The following MBNL2 variants were observed in gnomAD, a reference collection of about 807,000 sequenced individuals.
The protein encoded by MBNL2 is muscleblind-like protein 2.
MBNL2 carries 17 observed loss-of-function variants against 41.9 expected under a neutral mutation model. The ratio of observed to expected loss-of-function variants is 0.41; its 90% CI spans 0.28 to 0.61. MBNL2 has a LOEUF of 0.61. MBNL2 is among the 20% of genes least tolerant of loss of function. MBNL2 has a pLI of 0.35. For synonymous variants in MBNL2, 195 were observed against 182.9 expected (o/e 1.07, Z -0.53); for missense variants, 336 against 505.6 (o/e 0.66, Z 3.22).
At chr13:97,376,050 A>C (rs1399743782) in intron 8 of MBNL2, among the ~76,000 whole-genome samples, 1 of 152,178 alleles carries the variant, frequency 6.6e-6, no homozygotes, top group Non-Finnish European at 1.5e-5. Flanking sequence ...TGGAAACTCA[A>C]ACCAACTGAA....
chr13:97,359,770 C>T (rs1456314519), intron 7 of MBNL2, among the ~76,000 whole-genome samples: 1 of 152,100 alleles, frequency 6.6e-6, no homozygotes, highest in Non-Finnish European at 1.5e-5. Flanking sequence ...GTTTCCATTT[C>T]TTACATGACA....
intron 8 of MBNL2, 150 bp from the exon 9 acceptor site, chr13:97,391,172 G>A (rs1246764037): frequency 3.4e-6 from 2 of 589,814 alleles, no homozygotes; most frequent in East Asian, 2.9e-5. Flanking sequence ...TGAAGGGCGG[G>A]TATTGTGCAA....
At chr13:97,208,044 C>A in the MBNL2 span, among the ~76,000 whole-genome samples, 1 of 152,200 alleles carries the variant, frequency 6.6e-6, no homozygotes. Context: ...AACAGCTCTG[C>A]TCCTGTGGTT....
chr13:97,174,013 T>C, the MBNL2 span, among the ~76,000 whole-genome samples: 1 of 152,222 alleles, frequency 6.6e-6, no homozygotes, highest in Non-Finnish European at 1.5e-5. Context: ...ATAAGTTCTT[T>C]AAAGGCAAGA....
intron 1 of MBNL2, among the ~76,000 whole-genome samples, chr13:97,247,608 G>A (rs2045721387): frequency 6.6e-6 from 1 of 152,182 alleles, no homozygotes; most frequent in South Asian, 2.1e-4. Flanking sequence ...AAATGTCATG[G>A]TTATTGAGGC....
At chr13:97,152,644 A>G in the MBNL2 span, among the ~76,000 whole-genome samples, 1 of 152,224 alleles carries the variant, frequency 6.6e-6, no homozygotes, top group African/African-American at 2.4e-5. Context: ...CAAAATTCTT[A>G]GGGTATGATT....
intron 1 of MBNL2, among the ~76,000 whole-genome samples, chr13:97,225,989 A>T (rs1566350977): frequency 6.7e-6 from 1 of 150,070 alleles, no homozygotes; most frequent in East Asian, 1.9e-4. Flanking sequence ...TTAACATACT[A>T]TTTTTTTTTC....
At chr13:97,287,979 G>A (rs1456998689) in intron 2 of MBNL2, among the ~76,000 whole-genome samples, 1 of 132,472 alleles carries the variant, frequency 7.5e-6, no homozygotes, top group Admixed American at 8.3e-5. Flanking sequence ...TCACGATGTT[G>A]GCCAGGTTGG....
intron 2 of MBNL2, among the ~76,000 whole-genome samples, chr13:97,310,225 C>G (rs1385717238): frequency 1.3e-5 from 2 of 152,130 alleles, no homozygotes; most frequent in Non-Finnish European, 2.9e-5. Flanking sequence ...CCAGACAAGT[C>G]ACGTTCTCTC....
At chr13:97,161,284 C>A in the MBNL2 span, among the ~76,000 whole-genome samples, 1 of 152,168 alleles carries the variant, frequency 6.6e-6, no homozygotes, top group African/African-American at 2.4e-5. Context: ...TTGCCCACCA[C>A]CTCTACAAGC....
chr13:97,325,703 C>A (rs1315548577), intron 2 of MBNL2, among the ~76,000 whole-genome samples: 5 of 152,166 alleles, frequency 3.3e-5, no homozygotes, highest in African/African-American at 1.2e-4. Flanking sequence ...GCACTCCAGC[C>A]TGGGTGACAG....
chr13:97,282,982 A>T (rs10467250), intron 2 of MBNL2, among the ~76,000 whole-genome samples: 4 of 152,134 alleles, frequency 2.6e-5, no homozygotes, highest in African/African-American at 9.7e-5. Context: ...CTGCTCCATC[A>T]GTGATCTCCA....
chr13:97,311,189 C>T (rs1566408880), intron 2 of MBNL2, among the ~76,000 whole-genome samples: 2 of 151,982 alleles, frequency 1.3e-5, no homozygotes, highest in Non-Finnish European at 2.9e-5. Flanking sequence ...TGTAAAGAGC[C>T]AGAATGGGAG....
chr13:97,254,641 C>T (rs1467702996), intron 1 of MBNL2, among the ~76,000 whole-genome samples: 2 of 152,134 alleles, frequency 1.3e-5, no homozygotes, highest in African/African-American at 4.8e-5. Flanking sequence ...CCCCGCCTCT[C>T]TTTTATATGG....
chr13:97,342,944 T>G, intron 3 of MBNL2, 72 bp from the exon 4 acceptor site: 2 of 922,918 alleles, frequency 2.2e-6, no homozygotes, highest in Non-Finnish European at 3.5e-6. Flanking sequence ...TTTGCTCAAA[T>G]GACATTTGCT....
At chr13:97,206,494 T>C in the MBNL2 span, among the ~76,000 whole-genome samples, 8 of 152,306 alleles carry the variant, frequency 5.3e-5, no homozygotes, top group African/African-American at 1.9e-4. Flanking sequence ...AAATAAGCTA[T>C]GAATTGTCAT....
chr13:97,297,960 CA>C (rs869222885), intron 2 of MBNL2, among the ~76,000 whole-genome samples: 2 of 53,128 alleles, frequency 3.8e-5, no homozygotes, highest in Non-Finnish European at 1.7e-4. Context: ...AGAAAATAAA[CA>C]AAATATTTCT....
chr13:97,261,513 T>TG (rs2048625748), intron 1 of MBNL2, among the ~76,000 whole-genome samples: 1 of 152,178 alleles, frequency 6.6e-6, no homozygotes, highest in Non-Finnish European at 1.5e-5. Context: ...ACCCTTTTTC[T>TG]GCCTCTGCTT....
intron 2 of MBNL2, among the ~76,000 whole-genome samples, chr13:97,314,103 C>T (rs1017160186): frequency 6.6e-6 from 1 of 152,104 alleles, no homozygotes; most frequent in Non-Finnish European, 1.5e-5. Context: ...TCACCTCACT[C>T]TCCCCACCTC....
Sources: allele counts gnomAD v4.1 joint callset (sites outside exome capture counted in the v4.1 genomes callset), GRCh38; gene constraint gnomAD v4.1.1; transcripts MANE v1.5; gene names NCBI Gene and HGNC (gene_info 2026-07-23, HGNC 2026-07-21).